The following UBE2W variants were observed in gnomAD, a reference collection of about 807,000 sequenced individuals.
The protein encoded by UBE2W is ubiquitin-conjugating enzyme E2 W.
A neutral mutation model predicts 27.2 loss-of-function variants in UBE2W; 18 were observed. The observed-to-expected ratio is 0.66, with a 90% confidence interval of 0.46 to 0.98. The LOEUF (loss-of-function observed/expected upper bound fraction) is 0.98. Among genes scored for constraint, UBE2W ranks in the 50% least tolerant of loss-of-function variants. UBE2W has a pLI of 0.00. For synonymous variants in UBE2W, 53 were observed against 57.2 expected (o/e 0.93, Z 0.33); for missense variants, 90 against 180.2 (o/e 0.50, Z 2.87).
chr8:73,850,843 G>C (rs1294924202), intron 1 of UBE2W, among the ~76,000 whole-genome samples: 1 of 150,348 alleles, frequency 6.7e-6, no homozygotes, highest in Non-Finnish European at 1.5e-5. Context: ...ATTCACCTAT[G>C]ATTTCTATTT....
At position 73,793,992 on chromosome 8, in the gene UBE2W, A is replaced by G; in HGVS notation, c.*110T>C. On this transcript the variant is annotated 3_prime_UTR_variant, in exon 6 of 6. Coordinates refer to ENST00000602593, the MANE Select transcript of UBE2W (RefSeq NM_018299.6). ...AATGCAGTAAAAGGAAGTAGTCTTC[A>G]TTGCCTATAGGTCACTTCCAGTCAA... is the stretch of plus-strand genomic sequence containing the variant. 1.3e-6 allele frequency: 2 copies of G among 1,541,626 alleles called. No homozygotes were observed. The highest frequency in any genetic ancestry group is 1.7e-6 in the Non-Finnish European group (2 of 1,145,376).
rs185487104 is a variant in UBE2W, at chr8:73,807,768, T to G, written c.367-2042A>C. On this transcript the variant is annotated intron_variant, in intron 4 of 5. Transcript: ENST00000602593. ...AGAAAAGTCTTCAAAAAATACATAT[T>G]TAGAAAAAAGAAATACTCAATTCTA... is the stretch of plus-strand genomic sequence containing the variant. 1.2e-3 allele frequency among the ~76,000 whole-genome samples: 181 copies of G among 152,224 alleles called. 1 individual carries two copies. The highest frequency in any genetic ancestry group is 4.2e-3 in the African/African-American group (176 of 41,556).
At position 73,860,727 on chromosome 8, in the gene UBE2W, A is replaced by G. The variant is rs147753463; in HGVS notation, c.15+18081T>C. On this transcript the variant is annotated intron_variant, in intron 1 of 5. Coordinates refer to ENST00000602593, the MANE Select transcript of UBE2W (RefSeq NM_018299.6). ...TTGAATTCAGGAAGAAAGTTCAAAG[A>G]GTGGAGGGGCTAACTAAATGATCTG... Among the ~76,000 whole-genome samples, 11 of 152,330 alleles carry G rather than the reference A, an allele frequency of 7.2e-5. No homozygotes were observed. In the East Asian group the frequency reaches 1.9e-3, roughly 27 times the overall value.
At chr8:73,867,973 T>G (rs888273742) in intron 1 of UBE2W, among the ~76,000 whole-genome samples, 1 of 152,192 alleles carries the variant, frequency 6.6e-6, no homozygotes, top group Non-Finnish European at 1.5e-5. Flanking sequence ...GTGGAAAAGT[T>G]TGGCAATTCC....
Position 73,786,244 on chromosome 8 carries a change from A to T in UBE2W, c.*7858T>A. ...TGAAGAATGATTAATGATTTATTTAAAAGTAGTTTTCTCAAACTCTCTGGG... is the reference window on the plus strand; with the variant it reads ...TGAAGAATGATTAATGATTTATTTATAAGTAGTTTTCTCAAACTCTCTGGG... On this transcript the variant is annotated 3_prime_UTR_variant, in exon 6 of 6. Coordinates refer to ENST00000602593, the MANE Select transcript of UBE2W (RefSeq NM_018299.6). 1 of 985,458 alleles carries T rather than the reference A, an allele frequency of 1.0e-6. No homozygotes were observed. Among genetic ancestry groups the T allele is most frequent in the Non-Finnish European group, 1.2e-6 (1 of 829,922 alleles). 61.0% of individuals were successfully genotyped at this position (985,458 alleles called of 1,614,324 possible).
At chr8:73,846,759 T>C (rs1429067478) in intron 1 of UBE2W, among the ~76,000 whole-genome samples, 1 of 152,136 alleles carries the variant, frequency 6.6e-6, no homozygotes, top group Non-Finnish European at 1.5e-5. Context: ...AAGCAGGTGA[T>C]GGGGAGTTAA....
At chr8:73,831,209 G>T in intron 1 of UBE2W, 1 of 431,884 alleles carries the variant, frequency 2.3e-6, no homozygotes, top group South Asian at 2.2e-5. Context: ...TGGAGAATCT[G>T]CTGGAAGACC....
intron 5 of UBE2W, among the ~76,000 whole-genome samples, chr8:73,797,425 A>G (rs141083756): frequency 2.2e-4 from 34 of 152,352 alleles, no homozygotes; most frequent in African/African-American, 7.7e-4. Context: ...CCAATTCAAG[A>G]GATATTTCAA....
At chr8:73,798,961 T>C (rs984116077) in intron 5 of UBE2W, among the ~76,000 whole-genome samples, 2 of 151,990 alleles carry the variant, frequency 1.3e-5, no homozygotes, top group African/African-American at 2.4e-5. Context: ...CCCTGCTCAA[T>C]GGATTATTCA....
intron 1 of UBE2W, chr8:73,870,451 TAA>T: frequency 1.5e-6 from 1 of 678,012 alleles, no homozygotes; most frequent in Non-Finnish European, 2.4e-6. Context: ...AACATAGCAT[TAA>T]AAGATAATTC....
intron 5 of UBE2W, among the ~76,000 whole-genome samples, chr8:73,800,126 T>C (rs941120934): frequency 6.6e-6 from 1 of 152,164 alleles, no homozygotes; most frequent in Non-Finnish European, 1.5e-5. Flanking sequence ...GAAGACAGTA[T>C]GTGCTACACA....
chr8:73,837,518 A>T (rs1391849946), intron 1 of UBE2W, among the ~76,000 whole-genome samples: 1 of 152,240 alleles, frequency 6.6e-6, no homozygotes, highest in East Asian at 1.9e-4. Flanking sequence ...TGTCTTAAAA[A>T]AAAAAAAATT....
chr8:73,805,464 A>AAAAAAACAAAAAAAAAAAAAAAAC (rs1554579960), intron 5 of UBE2W, among the ~76,000 whole-genome samples, 187 bp downstream of exon 5: 1 of 124,626 alleles, frequency 8.0e-6, no homozygotes, highest in African/African-American at 2.7e-5. Flanking sequence ...CAAAAAAAAA[A>AAAAAAACAAAAAAAAAAAAAAAAC]AAAAAAACAA....
rs554821911 is a variant in UBE2W at position 73,839,309 on chromosome 8, T to C, written c.16-8837A>G. Reference sequence around the variant, plus strand: ...ATCAAATGAAATGATCCTGGTTATTTTGAATCATGGAAGACATTTTTTTAA... The same window carrying C: ...ATCAAATGAAATGATCCTGGTTATTCTGAATCATGGAAGACATTTTTTTAA... On this transcript the variant is annotated intron_variant, in intron 1 of 5. Transcript: ENST00000602593. Among the ~76,000 whole-genome samples the C allele has an allele frequency of 2.0e-5, 3 of 151,056 alleles. No homozygotes were observed. In the South Asian group the frequency reaches 6.3e-4, roughly 32 times the overall value.
chr8:73,819,326 T>C (rs1156263927), intron 3 of UBE2W, among the ~76,000 whole-genome samples: 1 of 152,236 alleles, frequency 6.6e-6, no homozygotes, highest in Non-Finnish European at 1.5e-5. Context: ...TTGTTGCTGT[T>C]GCAGTTTTGG....
intron 5 of UBE2W, among the ~76,000 whole-genome samples, chr8:73,804,607 G>A (rs1396356886): frequency 1.3e-5 from 2 of 151,102 alleles, no homozygotes. Flanking sequence ...CTAATTTAAT[G>A]AGGTACCCCT....
At position 73,786,545 on chromosome 8, in the gene UBE2W, C is replaced by G; in HGVS notation, c.*7557G>C. The G allele has an allele frequency of 1.0e-6, 1 of 985,404 alleles. No individual in the cohort carries two copies. The highest frequency in any genetic ancestry group is 1.2e-6 in the Non-Finnish European group (1 of 829,928). 61.0% of individuals were successfully genotyped at this position (985,404 alleles called of 1,614,324 possible). A position where few individuals can be genotyped will look rare whatever the true frequency, so the allele number is the denominator to read the frequency against. On this transcript the variant is annotated 3_prime_UTR_variant, in exon 6 of 6. Transcript: ENST00000602593. The stretch of plus-strand genomic sequence containing the variant: ...TGACTGGTAGGGAGAGAAGAAAGGA[C>G]AAGGATGATAACCTTTCAGCTACCT...
intron 1 of UBE2W, among the ~76,000 whole-genome samples, chr8:73,839,180 T>C (rs1238206617): frequency 2.0e-5 from 3 of 152,150 alleles, no homozygotes; most frequent in Non-Finnish European, 2.9e-5. Flanking sequence ...TAGTTTAAGT[T>C]TGCTATTTCA....
chr8:73,792,281 A>G lies in UBE2W; in HGVS notation c.*1821T>C. On this transcript the variant is annotated 3_prime_UTR_variant, in exon 6 of 6. Coordinates refer to ENST00000602593, the MANE Select transcript of UBE2W (RefSeq NM_018299.6). ...AGAACAAAAACGGTTATAATTTTTT[A>G]AAAGTGGTAATTGTTAACTAGCAGT... is the stretch of plus-strand genomic sequence containing the variant. 1 of 985,724 alleles carries G rather than the reference A, an allele frequency of 1.0e-6. No individual in the cohort carries two copies. The allele number at this position is 985,724 out of a possible 1,614,324, so 61.1% of individuals were successfully genotyped here. A position where few individuals can be genotyped will look rare whatever the true frequency, so the allele number is the denominator to read the frequency against.
Sources: gnomAD v4.1 joint callset for allele counts (sites outside exome capture counted in the v4.1 genomes callset) on GRCh38, gnomAD v4.1.1 for gene constraint, MANE v1.5 for transcripts, NCBI Gene and HGNC (gene_info 2026-07-23, HGNC 2026-07-21) for gene names.